FBXW12: variants seen among roughly 807,000 people sequenced by gnomAD.
The protein encoded by FBXW12 is F-box/WD repeat-containing protein 12.
A neutral mutation model predicts 55.3 loss-of-function variants in FBXW12; 43 were observed. The observed-to-expected ratio is 0.78, with a 90% CI of 0.61 to 1.00. The LOEUF (loss-of-function observed/expected upper bound fraction) is 1.00. Ranked by LOEUF, FBXW12 falls within the 50% of genes least tolerant of loss-of-function variation. FBXW12 has a pLI of 0.00. For synonymous variants in FBXW12, 184 were observed against 203.8 expected (o/e 0.90, Z 0.83); for missense variants, 524 against 560.5 (o/e 0.93, Z 0.66).
chr3:48,382,080 A>G lies in FBXW12; in HGVS notation c.1290A>G (p.Thr430=). The G allele has an allele frequency of 6.2e-7, 1 of 1,613,778 alleles. No individual in the cohort carries two copies. The highest frequency in any genetic ancestry group is 8.5e-7 in the Non-Finnish European group (1 of 1,180,014). ...HLENTWHDHT[T]DSCISSVMCD... ...AAAACACGTGGCATGATCACACAAC[A>G]GACAGGTAAGCTCTGTTTTGTGATG... Residue 430 remains threonine (T), a synonymous_variant, in exon 10 of 11, where the codon ACA becomes ACG. Transcript: ENST00000296438.
At chr3:48,387,798 C>T (rs1402518367) in intron 10 of FBXW12, among the ~76,000 whole-genome samples, 1 of 152,160 alleles carries the variant, frequency 6.6e-6, no homozygotes, top group Non-Finnish European at 1.5e-5. Flanking sequence ...TTCCCAGGCT[C>T]AAGCAATCTG....
chr3:48,388,587 A>G (rs2036878259), intron 10 of FBXW12, among the ~76,000 whole-genome samples: 1 of 152,112 alleles, frequency 6.6e-6, no homozygotes, highest in African/African-American at 2.4e-5. Flanking sequence ...TATTTTGGTT[A>G]ATATTTGCAT....
chr3:48,385,341 TGTG>T (rs2036833076), intron 10 of FBXW12, among the ~76,000 whole-genome samples: 1 of 42,034 alleles, frequency 2.4e-5, no homozygotes, highest in Non-Finnish European at 5.7e-5. Context: ...TATTCCATTG[TGTG>T]TGTGTGTGTG....
intron 10 of FBXW12, among the ~76,000 whole-genome samples, chr3:48,390,100 G>C (rs1213468653): frequency 1.3e-5 from 2 of 152,032 alleles, no homozygotes; most frequent in Non-Finnish European, 2.9e-5. Flanking sequence ...GGTTATTATA[G>C]CCTTGTTTAG....
Position 48,381,701 on chromosome 3 carries a change from A to C in FBXW12, c.987A>C (p.Ala329=), listed in dbSNP as rs139281654. The C allele has an allele frequency of 1.3e-6, 2 of 1,568,494 alleles. No homozygotes were observed. Among genetic ancestry groups the C allele is most frequent in the East Asian group, 4.5e-5 (2 of 44,386 alleles). ...TATGTGCGTTTTACATGAAAACAGCATATGAGATCGCAAGTTTCCAGGTGG... is the reference window on the plus strand; with the variant it reads ...TATGTGCGTTTTACATGAAAACAGCCTATGAGATCGCAAGTTTCCAGGTGG... The part of the protein sequence containing the change: ...KKTGGQTVIQ[A]YEIASFQVAA... Residue 329 remains alanine, a splice_region_variant and synonymous_variant, in exon 9 of 11, where the codon GCA becomes GCC. Transcript: ENST00000296438.
intron 1 of FBXW12, 138 bp downstream of exon 1, chr3:48,372,458 A>G: frequency 8.5e-7 from 1 of 1,171,406 alleles, no homozygotes. Context: ...TTCATCTGCA[A>G]CTGGGGCTGC....
At chr3:48,386,311 G>A (rs1301864548) in intron 10 of FBXW12, among the ~76,000 whole-genome samples, 4 of 152,152 alleles carry the variant, frequency 2.6e-5, no homozygotes, top group Non-Finnish European at 5.9e-5. Flanking sequence ...AAATGTGCAG[G>A]TTTATTTCTG....
In FBXW12 at chr3:48,373,705, G is replaced by A. The variant is rs1466924426; in HGVS notation, c.286G>A (p.Ala96Thr). 4.3e-6 allele frequency: 7 copies of A among 1,613,348 alleles called. No homozygotes were observed. The highest frequency in any genetic ancestry group is 5.1e-6 in the Non-Finnish European group (6 of 1,179,404). Residue 96 changes from alanine (A) to threonine (T), a missense_variant and splice_region_variant, in exon 4 of 11, where the codon GCA becomes ACA. Physicochemically the swap from Ala to Thr is moderately conservative, Grantham distance 58. Transcript: ENST00000296438. ...NFIYKVTKNI[A>T]FETELAYLSG... ...TATCTACAAAGTAACTAAGAACATC[G>A]GTATGGGTATAGGTGCCCTAGAGGA...
intron 4 of FBXW12, among the ~76,000 whole-genome samples, chr3:48,374,387 G>T (rs1235181050): frequency 6.7e-6 from 1 of 149,656 alleles, no homozygotes; most frequent in Non-Finnish European, 1.5e-5. Context: ...GAGTGCAATG[G>T]CACGATCTCG....
At chr3:48,375,870 T>C (rs1230707129) in intron 5 of FBXW12, among the ~76,000 whole-genome samples, 1 of 152,014 alleles carries the variant, frequency 6.6e-6, no homozygotes, top group Non-Finnish European at 1.5e-5. Flanking sequence ...ACAGACAGGG[T>C]TTCACCATGT....
rs66751439 is a variant in FBXW12 at position 48,374,764 on chromosome 3, C to CTTT, written c.287-570_287-568dup. ...TGTACCTGGCCTAATCCTGATAACA[C>CTTT]TTTTTTTTTTTTTTTTTTTTTTAAA... On this transcript the variant is annotated intron_variant, in intron 4 of 10. Coordinates refer to ENST00000296438, the MANE Select transcript of FBXW12 (RefSeq NM_207102.2). 2.4e-3 allele frequency among the ~76,000 whole-genome samples: 199 copies of CTTT among 82,624 alleles called. 3 individuals carry two copies. The highest frequency in any genetic ancestry group is 3.3e-3 in the South Asian group (6 of 1,792). The allele number at this position is 82,624 out of a possible 152,430, so 54.2% of individuals were successfully genotyped here. A position where few individuals can be genotyped will look rare whatever the true frequency, so the allele number is the denominator to read the frequency against.
intron 10 of FBXW12, 40 bp downstream of exon 10, chr3:48,382,125 T>C: frequency 1.0e-6 from 1 of 985,588 alleles, no homozygotes; most frequent in Non-Finnish European, 1.4e-6. Flanking sequence ...CCTAAACAAC[T>C]TTTTTTTTTT....
In FBXW12 at chr3:48,372,290, G is replaced by A. The variant is rs903444078; in HGVS notation, c.-115G>A. 1 of 1,552,224 alleles carries A rather than the reference G, an allele frequency of 6.4e-7. No individual in the cohort carries two copies. ...AGAGGCCATGCTGGCGCTGAGAGAT[G>A]AGCCCCACTCACCAGATTCAAGATC... On this transcript the variant is annotated 5_prime_UTR_variant, in exon 1 of 11. It removes an upstream start codon present in the reference 5' UTR. Coordinates refer to ENST00000296438, the MANE Select transcript of FBXW12 (RefSeq NM_207102.2).
At chr3:48,388,782 ATGT>A (rs2106651659) in intron 10 of FBXW12, among the ~76,000 whole-genome samples, 1 of 152,334 alleles carries the variant, frequency 6.6e-6, no homozygotes, top group African/African-American at 2.4e-5. Flanking sequence ...GTACAATATG[ATGT>A]TTTCTTGCAT....
intron 10 of FBXW12, among the ~76,000 whole-genome samples, chr3:48,392,073 T>C: frequency 6.6e-6 from 1 of 152,214 alleles, no homozygotes; most frequent in Non-Finnish European, 1.5e-5. Flanking sequence ...GGGCCTTCTA[T>C]CCCATTCCAC....
intron 5 of FBXW12, 90 bp from the exon 6 acceptor site, chr3:48,378,227 G>A: frequency 1.0e-6 from 1 of 975,248 alleles, no homozygotes; most frequent in Non-Finnish European, 1.6e-6. Context: ...ATCTGATTTG[G>A]AAGAGGCTTC....
At position 48,394,583 on chromosome 3, in the gene FBXW12, A is replaced by C. The variant is rs1488277464; in HGVS notation, c.1319A>C (p.Asp440Ala). 6.2e-7 allele frequency: 1 copy of C among 1,604,950 alleles called. No individual in the cohort carries two copies. Among genetic ancestry groups the C allele is most frequent in the Non-Finnish European group, 8.5e-7 (1 of 1,175,556 alleles). ...TDSCISSVMCDNASIVLRVRK... is the reference protein window; with the variant it reads ...TDSCISSVMCANASIVLRVRK... ...AGCTGCATCTCCAGTGTGATGTGTG[A>C]TAATGCAAGCATAGTACTTAGGGTG... Residue 440 changes from aspartate to alanine, a missense_variant, in exon 11 of 11, where the codon GAT (aspartate) becomes GCT (alanine). Transcript: ENST00000296438.
At chr3:48,375,612 T>C in intron 5 of FBXW12, 140 bp downstream of exon 5, 1 of 611,382 alleles carries the variant, frequency 1.6e-6, no homozygotes, top group Non-Finnish European at 2.9e-6. Context: ...TATCATGTAA[T>C]TTGTGACCTT....
Position 48,373,712 on chromosome 3 carries a change from G to T in FBXW12, c.286+7G>T, listed in dbSNP as rs749399903. 4.4e-6 allele frequency: 7 copies of T among 1,608,932 alleles called. No individual in the cohort carries two copies. The East Asian group carries it at 1.6e-4, about 36-fold the overall frequency. The stretch of plus-strand genomic sequence containing the variant: ...AAAGTAACTAAGAACATCGGTATGG[G>T]TATAGGTGCCCTAGAGGAACATGAG... On this transcript the variant is annotated splice_region_variant and intron_variant, in intron 4 of 10. Coordinates refer to ENST00000296438, the MANE Select transcript of FBXW12 (RefSeq NM_207102.2).
Sources: allele counts gnomAD v4.1 joint callset (sites outside exome capture counted in the v4.1 genomes callset), GRCh38; gene constraint gnomAD v4.1.1; transcripts MANE v1.5; gene names NCBI Gene and HGNC (gene_info 2026-07-23, HGNC 2026-07-21).